The following PARP8 variants were observed in gnomAD, a reference collection of about 807,000 sequenced individuals.
PARP8 encodes poly(ADP-ribose) polymerase family member 8, also known as protein mono-ADP-ribosyltransferase PARP8.
A neutral mutation model predicts 124.1 loss-of-function variants in PARP8; 51 were observed. The observed-to-expected ratio is 0.41, with a 90% CI of 0.33 to 0.52. The LOEUF (loss-of-function observed/expected upper bound fraction) is 0.52, where lower values mean the gene tolerates loss of function less well. PARP8 is among the 20% of genes least tolerant of loss of function. The pLI is 0.21. For missense variants in PARP8, 860 were observed against 1,018.9 expected (o/e 0.84, Z 2.12); for synonymous variants, 391 against 361.5 (o/e 1.08, Z -0.93).
intron 14 of PARP8, among the ~76,000 whole-genome samples, chr5:50,810,523 G>T (rs1358169171): frequency 6.6e-6 from 1 of 151,974 alleles, no homozygotes; most frequent in Non-Finnish European, 1.5e-5. Context: ...GATAAGGCTA[G>T]CCCACAATAT....
intron 2 of PARP8, among the ~76,000 whole-genome samples, chr5:50,670,940 A>G (rs1160407563): frequency 3.3e-5 from 5 of 152,222 alleles, no homozygotes; most frequent in Non-Finnish European, 5.9e-5. Context: ...TGTGCTATAT[A>G]TACGGTAAGA....
intron 2 of PARP8, among the ~76,000 whole-genome samples, chr5:50,748,433 T>TA (rs965917408): frequency 1.3e-5 from 2 of 152,142 alleles, no homozygotes; most frequent in African/African-American, 2.4e-5. Context: ...TTTAAAGCAT[T>TA]AAAAAAATAG....
chr5:50,704,944 C>G (rs1753980783), intron 2 of PARP8, among the ~76,000 whole-genome samples: 1 of 152,114 alleles, frequency 6.6e-6, no homozygotes, highest in South Asian at 2.1e-4. Flanking sequence ...AAATTTAGAA[C>G]TACTTCATGA....
intron 3 of PARP8, among the ~76,000 whole-genome samples, chr5:50,754,124 T>TAC (rs1759571928): frequency 1.5e-4 from 1 of 6,838 alleles, no homozygotes; most frequent in Non-Finnish European, 3.1e-4. Flanking sequence ...TTCATATATA[T>TAC]ATATATATAT....
chr5:50,840,314 C>T (rs1748044769), intron 25 of PARP8, among the ~76,000 whole-genome samples: 1 of 151,718 alleles, frequency 6.6e-6, no homozygotes, highest in African/African-American at 2.4e-5. Flanking sequence ...ACTTGAAAAC[C>T]ACTCATTTAG....
chr5:50,711,831 C>T (rs572021319), intron 2 of PARP8, among the ~76,000 whole-genome samples: 41 of 152,172 alleles, frequency 2.7e-4, no homozygotes, highest in African/African-American at 9.4e-4. Context: ...ACTGCTTTAC[C>T]TTTTATTTCT....
In PARP8 at chr5:50,794,223, GT is replaced by G; in HGVS notation, c.756del (p.Thr253HisfsTer24). The G allele has an allele frequency of 6.2e-7, 1 of 1,611,996 alleles. No individual in the cohort carries two copies. Among genetic ancestry groups the G allele is most frequent in the Non-Finnish European group, 8.5e-7 (1 of 1,178,886 alleles). On this transcript the variant is annotated frameshift_variant, in exon 11 of 26. Transcript: ENST00000281631. LOFTEE classifies it high-confidence loss of function. Reference sequence around the variant, plus strand: ...GATTGACAGAATCATGCAGACATTTGTTACACAGCAGTGGAAACAGAGCAAA... The same window carrying G: ...GATTGACAGAATCATGCAGACATTTGTACACAGCAGTGGAAACAGAGCAAA... ...HQLKKIMQTF[V>X]TQQWKQSKEK...
intron 14 of PARP8, among the ~76,000 whole-genome samples, chr5:50,800,681 C>A (rs1652413619): frequency 6.6e-6 from 1 of 150,544 alleles, no homozygotes; most frequent in Non-Finnish European, 1.5e-5. Flanking sequence ...TTCTTTTATG[C>A]TATTAATATG....
At chr5:50,762,566 C>T (rs1408563247) in intron 6 of PARP8, among the ~76,000 whole-genome samples, 1 of 151,778 alleles carries the variant, frequency 6.6e-6, no homozygotes, top group East Asian at 1.9e-4. Context: ...AATGGGAGGG[C>T]AATATGTTAA....
At chr5:50,674,926 G>A (rs569345608) in intron 2 of PARP8, among the ~76,000 whole-genome samples, 3 of 152,304 alleles carry the variant, frequency 2.0e-5, no homozygotes, top group African/African-American at 7.2e-5. Context: ...TAAGAGGAGA[G>A]GATAGTGAAA....
At chr5:50,822,887 T>C (rs1289618616) in intron 17 of PARP8, among the ~76,000 whole-genome samples, 1 of 152,180 alleles carries the variant, frequency 6.6e-6, no homozygotes, top group Non-Finnish European at 1.5e-5. Context: ...AGGGAGGCTT[T>C]GGTGGAAATA....
chr5:50,744,741 C>G lies in PARP8; in HGVS notation c.147-5410C>G, dbSNP rs542675041. 1.0e-5 allele frequency: 7 copies of G among 701,020 alleles called. No individual in the cohort carries two copies. In the Admixed American group the frequency reaches 1.4e-4, roughly 14 times the overall value. 43.4% of individuals were successfully genotyped at this position (701,020 alleles called of 1,614,324 possible). The stretch of plus-strand genomic sequence containing the variant: ...TTTTTTTTTTCTCTGAATAGGAATT[C>G]AGAGCTTGCTCCAGGGATGTGAGGA... On this transcript the variant is annotated intron_variant, in intron 2 of 25. Coordinates refer to ENST00000281631, the MANE Select transcript of PARP8 (RefSeq NM_024615.4).
chr5:50,733,186 C>T (rs1757149456), intron 2 of PARP8, among the ~76,000 whole-genome samples: 1 of 151,734 alleles, frequency 6.6e-6, no homozygotes, highest in Non-Finnish European at 1.5e-5. Flanking sequence ...TGCCTATAAT[C>T]CCAGCTACTC....
At position 50,715,643 on chromosome 5, in the gene PARP8, C is replaced by T. The variant is rs1287447580; in HGVS notation, c.147-34508C>T. On this transcript the variant is annotated intron_variant, in intron 2 of 25. Coordinates refer to ENST00000281631, the MANE Select transcript of PARP8 (RefSeq NM_024615.4). ...AATTATTTTTCAGACCTCTACACCACAGACAGTAGTAACAAGGGGAACAGG... is the reference window on the plus strand; with the variant it reads ...AATTATTTTTCAGACCTCTACACCATAGACAGTAGTAACAAGGGGAACAGG... Among the ~76,000 whole-genome samples, 6 of 152,064 alleles carry T rather than the reference C, an allele frequency of 3.9e-5. No homozygotes were observed. In the East Asian group the frequency reaches 9.7e-4, roughly 25 times the overall value.
intron 9 of PARP8, among the ~76,000 whole-genome samples, chr5:50,787,984 C>T (rs1027347414): frequency 2.7e-5 from 4 of 148,700 alleles, no homozygotes; most frequent in South Asian, 2.1e-4. Context: ...GGTAAAAGTA[C>T]GAACCACGTG....
intron 10 of PARP8, among the ~76,000 whole-genome samples, chr5:50,789,283 A>G (rs1017848193): frequency 1.3e-5 from 2 of 152,222 alleles, no homozygotes; most frequent in Admixed American, 6.5e-5. Context: ...GAGCCAGGAT[A>G]CAATGGCACT....
intron 7 of PARP8, among the ~76,000 whole-genome samples, chr5:50,767,269 CATAGATGTAT>C (rs1415601214): frequency 1.3e-5 from 2 of 152,184 alleles, no homozygotes; most frequent in African/African-American, 4.8e-5. Flanking sequence ...CCTCAGCCTA[CATAGATGTAT>C]ATCATTCATC....
chr5:50,804,189 C>A (rs1215162036), intron 14 of PARP8, among the ~76,000 whole-genome samples: 1 of 152,138 alleles, frequency 6.6e-6, no homozygotes, highest in Non-Finnish European at 1.5e-5. Context: ...TGTTGCCTCA[C>A]ACAACTAAAA....
chr5:50,707,171 G>A (rs1754237861), intron 2 of PARP8, among the ~76,000 whole-genome samples: 1 of 152,072 alleles, frequency 6.6e-6, no homozygotes, highest in African/African-American at 2.4e-5. Flanking sequence ...TGTCAGACAT[G>A]CATCAGTGTA....
Sources: allele counts gnomAD v4.1 joint callset (sites outside exome capture counted in the v4.1 genomes callset), GRCh38; gene constraint gnomAD v4.1.1; transcripts MANE v1.5; gene names NCBI Gene and HGNC (gene_info 2026-07-23, HGNC 2026-07-21).